GPC5: variants seen among roughly 807,000 people sequenced by gnomAD.
GPC5 encodes the protein glypican 5.
Under a neutral mutation model 53.9 loss-of-function variants are expected in GPC5, and 47 were observed. That is an observed-to-expected ratio of 0.87 (90% CI 0.69 to 1.11). GPC5 has a LOEUF of 1.11. GPC5 is among the 50% of genes most tolerant of loss of function. The pLI is 0.00. For missense variants in GPC5, 748 were observed against 713.1 expected (o/e 1.05, Z -0.56); for synonymous variants, 286 against 263.3 (o/e 1.09, Z -0.84).
chr13:91,877,433 A>C (rs2039216225), intron 5 of GPC5, among the ~76,000 whole-genome samples: 2 of 152,200 alleles, frequency 1.3e-5, no homozygotes. Flanking sequence ...AATCAGTGTG[A>C]CCAGGATGTG....
At chr13:92,043,401 A>G (rs1216010816) in intron 6 of GPC5, among the ~76,000 whole-genome samples, 1 of 152,132 alleles carries the variant, frequency 6.6e-6, no homozygotes, top group Non-Finnish European at 1.5e-5. Context: ...GCAAGCAGGA[A>G]AATGTGAGGA....
intron 5 of GPC5, among the ~76,000 whole-genome samples, chr13:91,840,680 G>A (rs1363040199): frequency 6.6e-6 from 1 of 150,592 alleles, no homozygotes; most frequent in Non-Finnish European, 1.5e-5. Context: ...ATATGCTACT[G>A]GAGGCACTTT....
intron 6 of GPC5, among the ~76,000 whole-genome samples, chr13:92,137,882 A>T (rs2041797579): frequency 6.6e-6 from 1 of 152,198 alleles, no homozygotes; most frequent in Non-Finnish European, 1.5e-5. Flanking sequence ...GTTTTAAAAA[A>T]TTATTTTATC....
rs373126768 is a variant in GPC5 at position 92,326,816 on chromosome 13, C to A, written c.1561+181827C>A. Among the ~76,000 whole-genome samples the A allele has an allele frequency of 7.9e-5, 12 of 152,188 alleles. No homozygotes were observed. The East Asian group carries it at 1.9e-3, about 24-fold the overall frequency. On this transcript the variant is annotated intron_variant, in intron 7 of 7. Transcript: ENST00000377067. ...TCATTTTTATTTTTCTATTTACTATCTTTTTCTATTTACTTCCCCAAGGAC... is the reference window on the plus strand; with the variant it reads ...TCATTTTTATTTTTCTATTTACTATATTTTTCTATTTACTTCCCCAAGGAC...
At chr13:91,726,460 C>G (rs2139998107) in intron 3 of GPC5, among the ~76,000 whole-genome samples, 1 of 152,300 alleles carries the variant, frequency 6.6e-6, no homozygotes, top group South Asian at 2.1e-4. Flanking sequence ...AAAAATAAAG[C>G]TCCTTAGCCT....
intron 5 of GPC5, among the ~76,000 whole-genome samples, chr13:91,786,307 A>G (rs958385180): frequency 2.0e-5 from 3 of 152,046 alleles, no homozygotes; most frequent in African/African-American, 4.8e-5. Context: ...AAGTTTTTCT[A>G]TTTCTCAGAA....
intron 5 of GPC5, among the ~76,000 whole-genome samples, chr13:91,899,243 A>G (rs1350659491): frequency 6.6e-6 from 1 of 152,092 alleles, no homozygotes; most frequent in Admixed American, 6.6e-5. Flanking sequence ...GAAATTGTCC[A>G]TTGCATCATT....
rs540773989 is a variant in GPC5 at position 92,358,248 on chromosome 13, C to G, written c.1561+213259C>G. ...AGCTCCCAAATAATCTTTATTGATT[C>G]CATGTCTCACATCTAGTCCACATTG... is the stretch of plus-strand genomic sequence containing the variant. On this transcript the variant is annotated intron_variant, in intron 7 of 7. Transcript: ENST00000377067. Among the ~76,000 whole-genome samples, 4 of 151,898 alleles carry G rather than the reference C, an allele frequency of 2.6e-5. No homozygotes were observed. In the East Asian group the frequency reaches 7.7e-4, roughly 29 times the overall value.
At chr13:91,711,711 A>T (rs2036230072) in intron 3 of GPC5, among the ~76,000 whole-genome samples, 1 of 152,212 alleles carries the variant, frequency 6.6e-6, no homozygotes, top group Admixed American at 6.5e-5. Context: ...TGAACAAGTT[A>T]TGGATTTTCT....
rs4001881 is a variant in GPC5 at position 92,840,078 on chromosome 13, CATATATATATATATATATATATAT to C, written c.1562-26181_1562-26158del. On this transcript the variant is annotated intron_variant, in intron 7 of 7. Transcript: ENST00000377067. ...TGCTTTTATTCTTCATATATACATA[CATATATATATATATATATATATAT>C]ATATATATATATATATATATATGAG... Among the ~76,000 whole-genome samples, 131 of 99,016 alleles carry C rather than the reference CATATATATATATATATATATATAT, an allele frequency of 1.3e-3. 1 individual carries two copies. The highest frequency in any genetic ancestry group is 2.2e-3 in the East Asian group (8 of 3,612). 65.0% of individuals were successfully genotyped at this position (99,016 alleles called of 152,430 possible).
intron 7 of GPC5, among the ~76,000 whole-genome samples, chr13:92,753,146 T>G (rs533078117): frequency 2.0e-5 from 3 of 152,150 alleles, no homozygotes; most frequent in Non-Finnish European, 4.4e-5. Context: ...GATCTGAGAA[T>G]GGGCAGACTG....
intron 2 of GPC5, among the ~76,000 whole-genome samples, chr13:91,604,019 G>A (rs1318207250): frequency 1.4e-5 from 2 of 147,446 alleles, no homozygotes; most frequent in African/African-American, 2.5e-5. Flanking sequence ...AGTTACATAT[G>A]TATACATGTG....
chr13:92,296,241 G>C (rs925288746), intron 7 of GPC5, among the ~76,000 whole-genome samples: 1 of 152,140 alleles, frequency 6.6e-6, no homozygotes, highest in Admixed American at 6.5e-5. Flanking sequence ...GTGCTGGTTA[G>C]CCTCCCGCCA....
At chr13:92,414,765 T>A (rs1485089577) in intron 7 of GPC5, among the ~76,000 whole-genome samples, 3 of 152,130 alleles carry the variant, frequency 2.0e-5, no homozygotes, top group African/African-American at 7.2e-5. Flanking sequence ...CAGTGGTAGA[T>A]TGATTGTCTA....
At chr13:91,785,935 C>G (rs1184447255) in intron 5 of GPC5, among the ~76,000 whole-genome samples, 1 of 152,172 alleles carries the variant, frequency 6.6e-6, no homozygotes, top group Non-Finnish European at 1.5e-5. Context: ...CCTGGGTAAT[C>G]TGTTTCTAAC....
chr13:91,591,926 G>A (rs1484701203), intron 2 of GPC5, among the ~76,000 whole-genome samples: 4 of 152,148 alleles, frequency 2.6e-5, no homozygotes, highest in Admixed American at 6.5e-5. Context: ...ATTCTGAATT[G>A]TATATCTGTC....
intron 2 of GPC5, among the ~76,000 whole-genome samples, chr13:91,594,833 A>G (rs1167915810): frequency 1.3e-5 from 2 of 151,682 alleles, no homozygotes; most frequent in African/African-American, 4.8e-5. Context: ...GCATACCACC[A>G]TCTAGCTAAT....
intron 6 of GPC5, among the ~76,000 whole-genome samples, chr13:92,124,095 A>G (rs1233348259): frequency 1.3e-5 from 2 of 151,782 alleles, no homozygotes; most frequent in Admixed American, 1.3e-4. Flanking sequence ...AACAATATAA[A>G]TAACCATCCT....
intron 7 of GPC5, among the ~76,000 whole-genome samples, chr13:92,575,295 C>G (rs1428818933): frequency 6.6e-6 from 1 of 152,068 alleles, no homozygotes; most frequent in African/African-American, 2.4e-5. Context: ...ACTTAGGGTC[C>G]TAATTCCAGT....
Sources: allele counts gnomAD v4.1 joint callset (sites outside exome capture counted in the v4.1 genomes callset), GRCh38; gene constraint gnomAD v4.1.1; transcripts MANE v1.5; gene names NCBI Gene and HGNC (gene_info 2026-07-23, HGNC 2026-07-21).